The following NBEA variants were observed in gnomAD, a reference collection of about 807,000 sequenced individuals.
NBEA encodes lysosomal-trafficking regulator 2.
Under a neutral mutation model 343.4 loss-of-function variants are expected in NBEA, and 44 were observed. The ratio of observed to expected loss-of-function variants is 0.13; its 90% CI spans 0.10 to 0.16. The LOEUF (loss-of-function observed/expected upper bound fraction) is 0.16, where lower values mean the gene tolerates loss of function less well. NBEA is among the 10% of genes least tolerant of loss of function. The pLI is 1.00. For missense variants in NBEA, 2,555 were observed against 3,631.3 expected (o/e 0.70, Z 7.62); for synonymous variants, 1,175 against 1,238.7 (o/e 0.95, Z 1.08).
At chr13:35,613,469 C>T (rs1418981126) in intron 48 of NBEA, among the ~76,000 whole-genome samples, 3 of 152,088 alleles carry the variant, frequency 2.0e-5, no homozygotes, top group African/African-American at 7.2e-5. Flanking sequence ...ACTTAGGTTG[C>T]TTCCATATCC....
intron 30 of NBEA, among the ~76,000 whole-genome samples, chr13:35,187,431 C>A (rs1388145036): frequency 6.6e-6 from 1 of 150,776 alleles, no homozygotes; most frequent in South Asian, 2.1e-4. Flanking sequence ...ATATATAATA[C>A]AACATAGTAA....
At chr13:35,162,664 C>T (rs549578841) in intron 23 of NBEA, among the ~76,000 whole-genome samples, 9 of 151,894 alleles carry the variant, frequency 5.9e-5, no homozygotes, top group African/African-American at 1.2e-4. Flanking sequence ...CCTTATATCT[C>T]GTGAGCCAGC....
At chr13:35,106,341 A>G (rs1413403587) in intron 11 of NBEA, among the ~76,000 whole-genome samples, 2 of 152,000 alleles carry the variant, frequency 1.3e-5, no homozygotes, top group Non-Finnish European at 2.9e-5. Flanking sequence ...ATACATTTAA[A>G]AGCAGAGTCA....
At chr13:35,421,229 T>G (rs2044252556) in intron 38 of NBEA, among the ~76,000 whole-genome samples, 1 of 152,060 alleles carries the variant, frequency 6.6e-6, no homozygotes, top group African/African-American at 2.4e-5. Context: ...CCTCGAGAAT[T>G]CTTTTTTAAA....
intron 28 of NBEA, among the ~76,000 whole-genome samples, chr13:35,178,882 G>C (rs929133276): frequency 6.6e-6 from 1 of 151,422 alleles, no homozygotes; most frequent in African/African-American, 2.4e-5. Context: ...CTGAAAAAAT[G>C]TGTTGTGAAA....
chr13:35,048,502 C>T, intron 4 of NBEA, 61 bp from the exon 5 acceptor site: 4 of 1,485,984 alleles, frequency 2.7e-6, no homozygotes, highest in Non-Finnish European at 2.7e-6. Context: ...CCATATTTGA[C>T]CTTAGCTACT....
chr13:35,553,531 G>T (rs906239496), intron 43 of NBEA, among the ~76,000 whole-genome samples: 1 of 151,946 alleles, frequency 6.6e-6, no homozygotes, highest in Non-Finnish European at 1.5e-5. Flanking sequence ...CACTACTCAA[G>T]CAGAATGACA....
intron 34 of NBEA, among the ~76,000 whole-genome samples, chr13:35,267,920 G>C (rs1375764607): frequency 6.6e-6 from 1 of 151,810 alleles, no homozygotes; most frequent in Non-Finnish European, 1.5e-5. Context: ...GATTTTAAAT[G>C]GTACAGCTGA....
intron 33 of NBEA, among the ~76,000 whole-genome samples, chr13:35,230,322 C>T (rs1182359400): frequency 6.6e-6 from 1 of 152,008 alleles, no homozygotes. Flanking sequence ...CTAAATCACA[C>T]CGAAATCTGT....
At chr13:35,251,370 A>G (rs2031935663) in intron 34 of NBEA, 1 of 1,034,574 alleles carries the variant, frequency 9.7e-7, no homozygotes, top group South Asian at 3.4e-5. Context: ...AGAGGACTCC[A>G]ATGACTGTGT....
chr13:35,110,981 A>T lies in NBEA; in HGVS notation c.2002+3A>T. ...TGGCATTACACCTAAAGGATTAGGTATGTATACCACTTCCACTGTATTTAC... is the reference window on the plus strand; with the variant it reads ...TGGCATTACACCTAAAGGATTAGGTTTGTATACCACTTCCACTGTATTTAC... On this transcript the variant is annotated splice_donor_region_variant and intron_variant, in intron 13 of 58. Transcript: ENST00000379939. 3.1e-6 allele frequency: 5 copies of T among 1,594,658 alleles called. No homozygotes were observed. Among genetic ancestry groups the T allele is most frequent in the Non-Finnish European group, 4.3e-6 (5 of 1,165,274 alleles).
chr13:35,290,390 C>T lies in NBEA; in HGVS notation c.5778C>T (p.Gly1926=). The change falls in exon 35 of 59, where the codon GGC becomes GGT. Residue 1926 remains glycine, a splice_region_variant and synonymous_variant. Transcript: ENST00000379939. ...TGTTTTAACCTTTCTTTGTTGTAGG[C>T]CTTGTTTGTATGAAGTCCAGCACAT... The part of the protein sequence containing the change: ...GSHGQELLIE[G]LVCMKSSTSV... The T allele has an allele frequency of 6.2e-7, 1 of 1,600,406 alleles. No individual in the cohort carries two copies. Among genetic ancestry groups the T allele is most frequent in the South Asian group, 1.1e-5 (1 of 90,260 alleles).
chr13:35,544,690 G>A (rs1175572921), intron 41 of NBEA, among the ~76,000 whole-genome samples: 6 of 152,170 alleles, frequency 3.9e-5, no homozygotes, highest in Admixed American at 1.3e-4. Context: ...GCAGACTTCA[G>A]GGTATGAGCC....
intron 41 of NBEA, among the ~76,000 whole-genome samples, chr13:35,505,693 C>T (rs2043135562): frequency 6.6e-6 from 1 of 152,036 alleles, no homozygotes; most frequent in African/African-American, 2.4e-5. Flanking sequence ...GTTTTCTCCT[C>T]GAAAAGGTTA....
At chr13:35,175,394 T>A (rs548315556) in intron 27 of NBEA, among the ~76,000 whole-genome samples, 1 of 152,324 alleles carries the variant, frequency 6.6e-6, no homozygotes, top group East Asian at 1.9e-4. Context: ...CTTAATATAT[T>A]GTCGTGAAAC....
chr13:35,522,812 C>T (rs1308706873), intron 41 of NBEA, among the ~76,000 whole-genome samples: 2 of 152,048 alleles, frequency 1.3e-5, no homozygotes, highest in African/African-American at 2.4e-5. Context: ...CCTGATGATC[C>T]GAGGTGGAAC....
intron 46 of NBEA, among the ~76,000 whole-genome samples, chr13:35,590,645 A>G (rs1021980019): frequency 1.3e-5 from 2 of 152,072 alleles, no homozygotes; most frequent in East Asian, 1.9e-4. Flanking sequence ...ACGGCTTTGC[A>G]TGTATAAATG....
At chr13:35,393,052 A>G (rs1337441231) in intron 38 of NBEA, among the ~76,000 whole-genome samples, 1 of 151,880 alleles carries the variant, frequency 6.6e-6, no homozygotes, top group Non-Finnish European at 1.5e-5. Flanking sequence ...TCTTTCTGAG[A>G]AGCTGTTTTT....
At chr13:35,072,789 C>T (rs2063931972) in intron 10 of NBEA, among the ~76,000 whole-genome samples, 1 of 152,104 alleles carries the variant, frequency 6.6e-6, no homozygotes, top group Admixed American at 6.6e-5. Context: ...TCTTGAACTC[C>T]TGACCTCAAG....
Sources: gnomAD v4.1 joint callset for allele counts (sites outside exome capture counted in the v4.1 genomes callset) on GRCh38, gnomAD v4.1.1 for gene constraint, MANE v1.5 for transcripts, NCBI Gene and HGNC (gene_info 2026-07-23, HGNC 2026-07-21) for gene names.